Variants in ERBB4 observed in about 807,000 individuals in gnomAD.
The protein encoded by ERBB4 is receptor tyrosine-protein kinase erbB-4.
In ERBB4, 42 loss-of-function variants were observed where a neutral mutation model predicts 158.0. That is an observed-to-expected ratio of 0.27 (90% confidence interval 0.21 to 0.34). The LOEUF is 0.34. Among genes scored for constraint, ERBB4 ranks in the 10% least tolerant of loss-of-function variants. The pLI, the probability that ERBB4 is intolerant of heterozygous loss-of-function variation, is 1.00. For missense variants in ERBB4, 1,333 were observed against 1,624.1 expected, an observed-to-expected ratio of 0.82 and a Z score of 3.08; for synonymous variants, 583 against 558.7, an observed-to-expected ratio of 1.04 and a Z score of -0.61.
intron 19 of ERBB4, among the ~76,000 whole-genome samples, chr2:211,563,305 C>T (rs773120748): frequency 1.1e-4 from 17 of 152,054 alleles, no homozygotes; most frequent in African/African-American, 3.4e-4. Flanking sequence ...TCATCTCCTA[C>T]GAAAACAATA....
chr2:211,707,881 A>G (rs1196120209), intron 9 of ERBB4, among the ~76,000 whole-genome samples: 1 of 151,878 alleles, frequency 6.6e-6, no homozygotes, highest in Non-Finnish European at 1.5e-5. Context: ...CTTGTTTTTA[A>G]AAAGCGTAAC....
At chr2:212,289,829 G>C (rs774181407) in intron 1 of ERBB4, among the ~76,000 whole-genome samples, 2 of 152,122 alleles carry the variant, frequency 1.3e-5, no homozygotes, top group African/African-American at 4.8e-5. Flanking sequence ...ATTGCACAGA[G>C]TATTCTCAAA....
chr2:211,799,582 C>G (rs1474509866), intron 3 of ERBB4, among the ~76,000 whole-genome samples: 1 of 152,110 alleles, frequency 6.6e-6, no homozygotes, highest in Non-Finnish European at 1.5e-5. Context: ...GAGCAACAGC[C>G]TTTCAGGAAG....
chr2:211,955,417 C>T (rs937498696), intron 2 of ERBB4, among the ~76,000 whole-genome samples: 8 of 151,906 alleles, frequency 5.3e-5, no homozygotes, highest in African/African-American at 1.7e-4. Flanking sequence ...GGTTAATAGT[C>T]CCCCTTCAGA....
At chr2:211,966,072 G>C (rs2081302798) in intron 2 of ERBB4, among the ~76,000 whole-genome samples, 1 of 152,008 alleles carries the variant, frequency 6.6e-6, no homozygotes, top group Admixed American at 6.6e-5. Flanking sequence ...AATTTAGCCG[G>C]ACATTGTGGC....
intron 3 of ERBB4, among the ~76,000 whole-genome samples, chr2:211,932,944 T>C (rs780414442): frequency 6.6e-6 from 1 of 152,074 alleles, no homozygotes; most frequent in Non-Finnish European, 1.5e-5. Context: ...GAAGTCACTG[T>C]GCATAGTAAT....
Position 212,404,481 on chromosome 2 carries a change from A to G in ERBB4, c.82+133968T>C, listed in dbSNP as rs992636617. Among the ~76,000 whole-genome samples, 80 of 152,072 alleles carry G rather than the reference A, an allele frequency of 5.3e-4. 1 individual carries two copies. Among genetic ancestry groups the G allele is most frequent in the African/African-American group, 1.7e-3 (72 of 41,444 alleles). ...TGTGCCCAACACCTAGTGCCAAGAA[A>G]AAAACCTCTGTCCTTATGACACTGG... On this transcript the variant is annotated intron_variant, in intron 1 of 27. Transcript: ENST00000342788.
chr2:211,891,147 T>C (rs1280477419), intron 3 of ERBB4, among the ~76,000 whole-genome samples: 1 of 13,174 alleles, frequency 7.6e-5, no homozygotes, highest in African/African-American at 4.0e-4. Context: ...ATTGACCACA[T>C]AGTTGGAAGT....
intron 21 of ERBB4, among the ~76,000 whole-genome samples, chr2:211,428,695 G>T (rs1441339206): frequency 6.6e-6 from 1 of 151,836 alleles, no homozygotes; most frequent in African/African-American, 2.4e-5. Flanking sequence ...TTAATCTAAA[G>T]ATGTACTATA....
intron 17 of ERBB4, among the ~76,000 whole-genome samples, chr2:211,629,813 A>G (rs1296019186): frequency 6.6e-6 from 1 of 152,170 alleles, no homozygotes; most frequent in Non-Finnish European, 1.5e-5. Flanking sequence ...TCCCTATTTA[A>G]TAAATGGTGC....
At chr2:211,566,005 A>G (rs1208425643) in intron 19 of ERBB4, among the ~76,000 whole-genome samples, 1 of 152,196 alleles carries the variant, frequency 6.6e-6, no homozygotes, top group African/African-American at 2.4e-5. Flanking sequence ...ACCAGTTTCT[A>G]TGCTTTCTTG....
intron 18 of ERBB4, among the ~76,000 whole-genome samples, chr2:211,620,408 A>T (rs2069554512): frequency 6.6e-6 from 1 of 152,218 alleles, no homozygotes; most frequent in South Asian, 2.1e-4. Flanking sequence ...AAAGTTTTTC[A>T]CTTTGAACTT....
At chr2:211,460,285 T>C (rs1175247895) in intron 20 of ERBB4, among the ~76,000 whole-genome samples, 1 of 152,192 alleles carries the variant, frequency 6.6e-6, no homozygotes, top group Non-Finnish European at 1.5e-5. Context: ...TAATTTCTAC[T>C]GAACTGTAAT....
intron 3 of ERBB4, among the ~76,000 whole-genome samples, chr2:211,929,416 CA>C (rs976702798): frequency 5.3e-5 from 8 of 151,638 alleles, no homozygotes; most frequent in African/African-American, 1.9e-4. Context: ...AAAAGAAAAC[CA>C]AAAGGGTTTC....
chr2:212,298,686 TACTAAGAGCTTC>T (rs1410996699), intron 1 of ERBB4, among the ~76,000 whole-genome samples: 1 of 151,680 alleles, frequency 6.6e-6, no homozygotes, highest in Non-Finnish European at 1.5e-5. Flanking sequence ...GCAAAACATT[TACTAAGAGCTTC>T]ACCAAAGGAA....
chr2:212,037,686 T>C (rs2077047150), intron 2 of ERBB4, among the ~76,000 whole-genome samples: 1 of 152,206 alleles, frequency 6.6e-6, no homozygotes, highest in African/African-American at 2.4e-5. Flanking sequence ...CATAAACTTC[T>C]TATGTGCAGA....
At chr2:212,444,929 T>C (rs2092319624) in intron 1 of ERBB4, among the ~76,000 whole-genome samples, 1 of 151,660 alleles carries the variant, frequency 6.6e-6, no homozygotes, top group African/African-American at 2.4e-5. Flanking sequence ...CAAATATGGG[T>C]TTGCCTATCT....
intron 1 of ERBB4, among the ~76,000 whole-genome samples, chr2:212,532,649 A>G (rs1252240112): frequency 6.6e-6 from 1 of 152,214 alleles, no homozygotes; most frequent in Non-Finnish European, 1.5e-5. Context: ...ATCACATAAC[A>G]AATGATTGTA....
At chr2:211,931,689 T>A (rs1219804232) in intron 3 of ERBB4, among the ~76,000 whole-genome samples, 1 of 152,054 alleles carries the variant, frequency 6.6e-6, no homozygotes, top group Non-Finnish European at 1.5e-5. Flanking sequence ...ATTAGGTGAT[T>A]TATCTAAGGT....
Sources: allele counts gnomAD v4.1 joint callset (sites outside exome capture counted in the v4.1 genomes callset), GRCh38; gene constraint gnomAD v4.1.1; transcripts MANE v1.5; gene names NCBI Gene and HGNC (gene_info 2026-07-23, HGNC 2026-07-21).